The following PRKN variants were observed in gnomAD, a reference collection of about 807,000 sequenced individuals.
The protein encoded by PRKN is parkin RBR E3 ubiquitin protein ligase, also known as E3 ubiquitin-protein ligase parkin.
Under a neutral mutation model 59.5 loss-of-function variants are expected in PRKN, and 56 were observed. That is an observed-to-expected ratio of 0.94 (90% CI 0.76 to 1.18). PRKN has a LOEUF of 1.18. Ranked by LOEUF, PRKN falls within the 50% of genes most tolerant of loss-of-function variation. The pLI, the probability that PRKN is intolerant of heterozygous loss-of-function variation, is 0.00. For synonymous variants in PRKN, 250 were observed against 222.1 expected (o/e 1.13, Z -1.12); for missense variants, 657 against 596.4 (o/e 1.10, Z -1.06).
intron 5 of PRKN, among the ~76,000 whole-genome samples, chr6:161,999,299 T>C (rs1781958985): frequency 2.0e-5 from 3 of 152,064 alleles, no homozygotes; most frequent in Admixed American, 2.0e-4. Context: ...GAGATGTCAC[T>C]GCAATTGATT....
At chr6:162,681,826 G>C (rs369356425) in intron 1 of PRKN, among the ~76,000 whole-genome samples, 3 of 151,964 alleles carry the variant, frequency 2.0e-5, no homozygotes, top group African/African-American at 7.2e-5. Context: ...CTCTATTTGG[G>C]TCCAAATAGA....
At chr6:162,067,492 C>T (rs904122515) in intron 4 of PRKN, among the ~76,000 whole-genome samples, 8 of 152,056 alleles carry the variant, frequency 5.3e-5, no homozygotes, top group Non-Finnish European at 8.8e-5. Flanking sequence ...GGGAATAAGA[C>T]CTTATTTATG....
chr6:161,558,673 C>T (rs1171993505), intron 8 of PRKN, among the ~76,000 whole-genome samples: 2 of 151,922 alleles, frequency 1.3e-5, no homozygotes, highest in Non-Finnish European at 2.9e-5. Flanking sequence ...ACTATAATAA[C>T]GTCAGAGAGG....
intron 1 of PRKN, among the ~76,000 whole-genome samples, chr6:162,492,813 T>A (rs1456039260): frequency 6.6e-6 from 1 of 151,888 alleles, no homozygotes; most frequent in African/African-American, 2.4e-5. Context: ...ATTAGCCAGG[T>A]GTGGTGACAC....
intron 7 of PRKN, among the ~76,000 whole-genome samples, chr6:161,653,599 C>T (rs1784228844): frequency 6.6e-6 from 1 of 152,212 alleles, no homozygotes; most frequent in Non-Finnish European, 1.5e-5. Flanking sequence ...CTAACTGCAA[C>T]ATTCTCTCTA....
chr6:162,159,200 T>A (rs1163031356), intron 4 of PRKN, among the ~76,000 whole-genome samples: 2 of 150,842 alleles, frequency 1.3e-5, no homozygotes, highest in Non-Finnish European at 2.9e-5. Context: ...AAATACTGTT[T>A]TCTATTGACT....
intron 1 of PRKN, among the ~76,000 whole-genome samples, chr6:162,714,859 T>C (rs987042760): frequency 1.3e-5 from 2 of 152,170 alleles, no homozygotes; most frequent in Non-Finnish European, 2.9e-5. Context: ...GTAACCACTT[T>C]TAAAAATCTC....
intron 2 of PRKN, among the ~76,000 whole-genome samples, chr6:162,343,933 T>G (rs1276656531): frequency 6.6e-6 from 1 of 152,186 alleles, no homozygotes; most frequent in African/African-American, 2.4e-5. Context: ...AAAGGAAAGT[T>G]ATTTAATATA....
chr6:161,952,101 G>C (rs1327524889), intron 6 of PRKN, among the ~76,000 whole-genome samples: 2 of 152,092 alleles, frequency 1.3e-5, no homozygotes, highest in Non-Finnish European at 2.9e-5. Context: ...ATTGAAAATG[G>C]CGTTCAATTT....
Position 161,361,894 on chromosome 6 carries a change from C to T in PRKN, c.1168-1689G>A, listed in dbSNP as rs1304748318. On this transcript the variant is annotated intron_variant, in intron 10 of 11. Transcript: ENST00000366898. This position sits in a 1 kb window ranked among gnomAD's most constrained non-coding sequence, Gnocchi z 5.2. ...CACAACTTGGTAACTAGGTATGCAT[C>T]TTCATGGCACGCCTTCCAGTCACCA... Among the ~76,000 whole-genome samples the T allele has an allele frequency of 5.9e-5, 9 of 152,126 alleles. No individual in the cohort carries two copies. Among genetic ancestry groups the T allele is most frequent in the African/African-American group, 2.2e-4 (9 of 41,436 alleles).
intron 4 of PRKN, among the ~76,000 whole-genome samples, chr6:162,146,429 AAT>A (rs1289134699): frequency 5.3e-5 from 8 of 150,178 alleles, no homozygotes; most frequent in Admixed American, 2.0e-4. Context: ...ATGTTTAGTA[AAT>A]ATATATATAT....
chr6:161,956,203 G>C (rs1780164067), intron 6 of PRKN, among the ~76,000 whole-genome samples: 1 of 152,182 alleles, frequency 6.6e-6, no homozygotes, highest in African/African-American at 2.4e-5. Flanking sequence ...ACTAGAGGTA[G>C]AACTGGGTTT....
In PRKN at chr6:161,579,342, G is replaced by C. The variant is rs926110490; in HGVS notation, c.872-9926C>G. Among the ~76,000 whole-genome samples the C allele has an allele frequency of 6.6e-6, 1 of 152,186 alleles. No individual in the cohort carries two copies. The highest frequency in any genetic ancestry group is 6.5e-5 in the Admixed American group (1 of 15,288). On this transcript the variant is annotated intron_variant, in intron 7 of 11. Transcript: ENST00000366898. This position sits in a 1 kb window ranked among gnomAD's most constrained non-coding sequence, Gnocchi z 4.2. The stretch of plus-strand genomic sequence containing the variant: ...GCACATCCCTGTCAGATAAGGCCTA[G>C]TTAAATAGGGTCTAGAGGGTCAGCG...
intron 2 of PRKN, among the ~76,000 whole-genome samples, chr6:162,303,569 T>C (rs1268506555): frequency 6.6e-6 from 1 of 152,022 alleles, no homozygotes; most frequent in Non-Finnish European, 1.5e-5. Flanking sequence ...ATGAGATGCT[T>C]TTTCATTGGA....
At chr6:162,481,156 C>T (rs1792292510) in intron 1 of PRKN, among the ~76,000 whole-genome samples, 1 of 152,134 alleles carries the variant, frequency 6.6e-6, no homozygotes, top group South Asian at 2.1e-4. Flanking sequence ...AATTAATGTT[C>T]TCATATAAAG....
In PRKN at chr6:161,457,606, G is replaced by A. The variant is rs1790029962; in HGVS notation, c.1084-70729C>T. Reference sequence around the variant, plus strand: ...TGAATGGATGCATGAATGAATTAATGAATGCTCTGTGATCTGAGGGCTGAA... The same window carrying A: ...TGAATGGATGCATGAATGAATTAATAAATGCTCTGTGATCTGAGGGCTGAA... On this transcript the variant is annotated intron_variant, in intron 9 of 11. Transcript: ENST00000366898. The surrounding 1 kb of genome is among the most constrained non-coding windows in gnomAD (Gnocchi z 5.0). 6.6e-6 allele frequency among the ~76,000 whole-genome samples: 1 copy of A among 152,184 alleles called. No individual in the cohort carries two copies.
intron 1 of PRKN, among the ~76,000 whole-genome samples, chr6:162,692,683 A>AC (rs1777825090): frequency 6.6e-6 from 1 of 152,160 alleles, no homozygotes; most frequent in East Asian, 1.9e-4. Context: ...GTCCACACAA[A>AC]TCCACCAGGA....
chr6:162,516,059 T>C (rs979558844), intron 1 of PRKN, among the ~76,000 whole-genome samples: 1 of 152,232 alleles, frequency 6.6e-6, no homozygotes, highest in Non-Finnish European at 1.5e-5. Flanking sequence ...ATGCAGCGAT[T>C]GCTGTGCCTG....
rs1554275446 is a variant in PRKN at position 161,552,787 on chromosome 6, G to GTTGTTTTTTT, written c.934-3785_934-3784insAAAAAAACAA. Reference sequence around the variant, plus strand: ...TAAAAGACACCATGGTTTTGTTGTTGTTTTTGTTTTTTGTTTTTTTTTTTT... The same window carrying GTTGTTTTTTT: ...TAAAAGACACCATGGTTTTGTTGTTGTTGTTTTTTTTTTTTGTTTTTTGTTTTTTTTTTTT... On this transcript the variant is annotated intron_variant, in intron 8 of 11. Transcript: ENST00000366898. The surrounding 1 kb of genome is among the most constrained non-coding windows in gnomAD (Gnocchi z 4.9). 3.5e-5 allele frequency among the ~76,000 whole-genome samples: 3 copies of GTTGTTTTTTT among 86,496 alleles called. No homozygotes were observed. The highest frequency in any genetic ancestry group is 5.3e-5 in the Non-Finnish European group (2 of 37,610). 56.7% of individuals were successfully genotyped at this position (86,496 alleles called of 152,430 possible).
Sources: gnomAD v4.1 joint callset for allele counts (sites outside exome capture counted in the v4.1 genomes callset) on GRCh38, gnomAD v4.1.1 for gene constraint, Gnocchi (gnomAD v3.1) non-coding constraint, MANE v1.5 for transcripts, NCBI Gene and HGNC (gene_info 2026-07-23, HGNC 2026-07-21) for gene names.